ADGRA3: variants seen among roughly 807,000 people sequenced by gnomAD.
ADGRA3 encodes adhesion G protein-coupled receptor A3, also known as G-protein coupled receptor 125.
A neutral mutation model predicts 119.8 loss-of-function variants in ADGRA3; 56 were observed. The ratio of observed to expected loss-of-function variants is 0.47; its 90% CI spans 0.38 to 0.58. The LOEUF is 0.58. Among genes scored for constraint, ADGRA3 ranks in the 20% least tolerant of loss-of-function variants. ADGRA3 has a pLI of 0.00. For missense variants in ADGRA3, 1,516 were observed against 1,649.0 expected, an observed-to-expected ratio of 0.92 and a Z score of 1.40; for synonymous variants, 607 against 623.8, an observed-to-expected ratio of 0.97 and a Z score of 0.40.
At chr4:22,499,396 G>A (rs552885554) in intron 1 of ADGRA3, among the ~76,000 whole-genome samples, 2 of 152,280 alleles carry the variant, frequency 1.3e-5, no homozygotes, top group African/African-American at 4.8e-5. Flanking sequence ...TAGGTGACAC[G>A]ATTCTACTTG....
At chr4:22,416,362 T>G (rs1008779025) in intron 12 of ADGRA3, among the ~76,000 whole-genome samples, 3 of 152,200 alleles carry the variant, frequency 2.0e-5, no homozygotes, top group Non-Finnish European at 2.9e-5. Flanking sequence ...AGTTTTCGGT[T>G]TCCAGTATTT....
chr4:22,503,487 A>G (rs1021002938), intron 1 of ADGRA3, among the ~76,000 whole-genome samples: 10 of 152,230 alleles, frequency 6.6e-5, no homozygotes, highest in Non-Finnish European at 1.3e-4. Context: ...AAGAACCTGC[A>G]TTACAGTTAT....
intron 6 of ADGRA3, among the ~76,000 whole-genome samples, chr4:22,444,066 G>A (rs1716733602): frequency 2.0e-5 from 3 of 151,932 alleles, no homozygotes; most frequent in Admixed American, 6.6e-5. Flanking sequence ...CATTTAACAC[G>A]TGGCAAATAT....
chr4:22,427,582 G>T (rs1331176048), intron 10 of ADGRA3, among the ~76,000 whole-genome samples: 2 of 152,174 alleles, frequency 1.3e-5, no homozygotes, highest in South Asian at 4.1e-4. Context: ...GGAGGAAAGG[G>T]ATTTGTTGCC....
At chr4:22,477,843 CAG>C (rs1297382865) in intron 1 of ADGRA3, among the ~76,000 whole-genome samples, 3 of 152,128 alleles carry the variant, frequency 2.0e-5, no homozygotes, top group Non-Finnish European at 4.4e-5. Context: ...TGCAAGAAAA[CAG>C]AATCAGTATG....
At position 22,484,616 on chromosome 4, in the gene ADGRA3, A is replaced by C. The variant is rs561206036; in HGVS notation, c.258-10773T>G. Among the ~76,000 whole-genome samples the C allele has an allele frequency of 3.0e-3, 457 of 152,136 alleles. 1 individual carries two copies. The highest frequency in any genetic ancestry group is 0.01 in the Middle Eastern group (3 of 294). On this transcript the variant is annotated intron_variant, in intron 1 of 18. Transcript: ENST00000334304. ...TGAGACCCTGTTTCCAAAAAAAAAAAAAAAAGCGTAAGCAGCTTTGTACTA... is the reference window on the plus strand; with the variant it reads ...TGAGACCCTGTTTCCAAAAAAAAAACAAAAAGCGTAAGCAGCTTTGTACTA...
chr4:22,470,447 A>G (rs993324864), intron 2 of ADGRA3, among the ~76,000 whole-genome samples: 4 of 152,106 alleles, frequency 2.6e-5, no homozygotes, highest in African/African-American at 9.7e-5. Flanking sequence ...CAACGGAGCC[A>G]GCTCTTACTA....
intron 9 of ADGRA3, among the ~76,000 whole-genome samples, chr4:22,436,070 A>T (rs894164215): frequency 2.0e-5 from 3 of 152,172 alleles, no homozygotes; most frequent in Non-Finnish European, 4.4e-5. Flanking sequence ...AAGATAACAA[A>T]AAGCACATGA....
intron 14 of ADGRA3, among the ~76,000 whole-genome samples, chr4:22,412,649 C>T (rs570522879): frequency 3.9e-5 from 6 of 152,218 alleles, no homozygotes; most frequent in Middle Eastern, 3.4e-3. Context: ...CGGCAAATAA[C>T]AGAAAACAAC....
At chr4:22,411,373 C>T (rs1382701404) in intron 14 of ADGRA3, among the ~76,000 whole-genome samples, 2 of 152,064 alleles carry the variant, frequency 1.3e-5, no homozygotes, top group South Asian at 2.1e-4. Context: ...TTGAGGCAGG[C>T]AGATCACTTG....
At chr4:22,397,948 A>G (rs981831145) in intron 16 of ADGRA3, 16 of 324,432 alleles carry the variant, frequency 4.9e-5, no homozygotes, top group Non-Finnish European at 6.6e-5. Flanking sequence ...ACACTGGGGG[A>G]TACAGGAACA....
At chr4:22,396,275 T>C (rs1217592236) in intron 16 of ADGRA3, among the ~76,000 whole-genome samples, 1 of 152,196 alleles carries the variant, frequency 6.6e-6, no homozygotes, top group African/African-American at 2.4e-5. Context: ...GAGAAGTACC[T>C]GGCTGGTAGC....
intron 14 of ADGRA3, among the ~76,000 whole-genome samples, chr4:22,412,088 A>C (rs1191571500): frequency 6.6e-6 from 1 of 152,148 alleles, no homozygotes; most frequent in Middle Eastern, 3.2e-3. Context: ...ATCATGTTTC[A>C]AGGTATTTAG....
At chr4:22,434,753 A>G (rs7688074) in intron 10 of ADGRA3, among the ~76,000 whole-genome samples, 113,487 of 152,072 alleles carry the variant, frequency 0.75, 43,898 homozygotes, top group Non-Finnish European at 0.85. Context: ...TATCATGTGG[A>G]CAAGCATATC....
chr4:22,493,438 T>C (rs1308493450), intron 1 of ADGRA3, among the ~76,000 whole-genome samples: 1 of 152,178 alleles, frequency 6.6e-6, no homozygotes, highest in Non-Finnish European at 1.5e-5. Flanking sequence ...AACATAACAG[T>C]ACCATCCAAC....
intron 10 of ADGRA3, among the ~76,000 whole-genome samples, chr4:22,428,485 G>C (rs560723859): frequency 1.6e-4 from 24 of 152,088 alleles, no homozygotes; most frequent in Non-Finnish European, 2.5e-4. Flanking sequence ...AGTAGCAAAA[G>C]AATACTTTTG....
intron 1 of ADGRA3, among the ~76,000 whole-genome samples, chr4:22,499,584 G>A (rs933032133): frequency 6.6e-6 from 1 of 152,136 alleles, no homozygotes; most frequent in African/African-American, 2.4e-5. Flanking sequence ...ACTTCAGATG[G>A]AGGCCTCCCA....
At chr4:22,411,056 A>C (rs1715178959) in intron 14 of ADGRA3, among the ~76,000 whole-genome samples, 1 of 152,120 alleles carries the variant, frequency 6.6e-6, no homozygotes, top group Admixed American at 6.5e-5. Context: ...GATGCTTTAA[A>C]CTGGTATTAG....
At chr4:22,488,864 G>A (rs1011953341) in intron 1 of ADGRA3, among the ~76,000 whole-genome samples, 1 of 151,794 alleles carries the variant, frequency 6.6e-6, no homozygotes, top group Non-Finnish European at 1.5e-5. Flanking sequence ...AAGTCCCCTG[G>A]GAGAAAAAAA....
Sources: gnomAD v4.1 joint callset for allele counts (sites outside exome capture counted in the v4.1 genomes callset) on GRCh38, gnomAD v4.1.1 for gene constraint, MANE v1.5 for transcripts, NCBI Gene and HGNC (gene_info 2026-07-23, HGNC 2026-07-21) for gene names.